CDH8: variants seen among roughly 807,000 people sequenced by gnomAD.
CDH8 encodes cadherin-8.
In CDH8, 17 loss-of-function variants were observed where a neutral mutation model predicts 68.1. The observed-to-expected ratio is 0.25, with a 90% CI of 0.17 to 0.37. The LOEUF (loss-of-function observed/expected upper bound fraction) is 0.37. Ranked by LOEUF, CDH8 falls within the 10% of genes least tolerant of loss-of-function variation. CDH8 has a pLI of 1.00. For missense variants in CDH8, 763 were observed against 999.3 expected, an observed-to-expected ratio of 0.76 and a Z score of 3.19; for synonymous variants, 372 against 365.1, an observed-to-expected ratio of 1.02 and a Z score of -0.21.
At chr16:61,977,744 G>A (rs1965462782) in intron 2 of CDH8, among the ~76,000 whole-genome samples, 1 of 152,234 alleles carries the variant, frequency 6.6e-6, no homozygotes, top group East Asian at 1.9e-4. Flanking sequence ...TAAGACATCT[G>A]AACTCTTAGC....
chr16:61,753,988 T>C (rs1180134185), intron 8 of CDH8, among the ~76,000 whole-genome samples: 4 of 152,136 alleles, frequency 2.6e-5, no homozygotes, highest in African/African-American at 9.7e-5. Context: ...ATGAAGAAAC[T>C]ACATATGCTA....
At position 61,966,492 on chromosome 16, in the gene CDH8, C is replaced by T. The variant is rs556493281; in HGVS notation, c.252+54660G>A. Among the ~76,000 whole-genome samples the T allele has an allele frequency of 3.3e-5, 5 of 151,844 alleles. No homozygotes were observed. In the South Asian group the frequency reaches 6.2e-4, roughly 19 times the overall value. The stretch of plus-strand genomic sequence containing the variant: ...GGCGGAGGTTGCAGTGAGCTGAGAT[C>T]GTGCCACTGCCCTCCAGCCTGCGGA... On this transcript the variant is annotated intron_variant, in intron 2 of 11. Transcript: ENST00000577390.
At chr16:61,672,565 C>T (rs558938370) in intron 10 of CDH8, among the ~76,000 whole-genome samples, 32 of 151,834 alleles carry the variant, frequency 2.1e-4, no homozygotes, top group Non-Finnish European at 3.7e-4. Context: ...GTAAAATATT[C>T]AATAAAACTT....
At chr16:61,864,292 CGGTTGGTTGGTTGGTTGGTTGGTTGGTT>C (rs59862418) in intron 3 of CDH8, among the ~76,000 whole-genome samples, 12 of 146,094 alleles carry the variant, frequency 8.2e-5, no homozygotes, top group African/African-American at 2.8e-4. Context: ...GCTGGATGTC[CGGTTGGTTGGTTGGTTGGTTGGTTGGTT>C]GGTTGGTTGG....
chr16:61,780,181 C>T (rs948777638), intron 8 of CDH8, among the ~76,000 whole-genome samples: 4 of 152,122 alleles, frequency 2.6e-5, no homozygotes, highest in Admixed American at 6.5e-5. Context: ...GCTAAATTTA[C>T]CTTAAATCTT....
At chr16:61,957,311 A>G (rs188133366) in intron 2 of CDH8, among the ~76,000 whole-genome samples, 82 of 152,224 alleles carry the variant, frequency 5.4e-4, no homozygotes, top group East Asian at 9.7e-4. Context: ...AAGCAAGACC[A>G]CCTACAGTCT....
At chr16:61,806,769 G>A (rs1961793034) in intron 7 of CDH8, among the ~76,000 whole-genome samples, 1 of 42,712 alleles carries the variant, frequency 2.3e-5, no homozygotes, top group East Asian at 6.3e-4. Flanking sequence ...AAACCACAAT[G>A]AGATACCATC....
intron 7 of CDH8, among the ~76,000 whole-genome samples, chr16:61,815,954 TG>T (rs1962063043): frequency 6.6e-6 from 1 of 152,116 alleles, no homozygotes; most frequent in Non-Finnish European, 1.5e-5. Flanking sequence ...TTAATGCCAA[TG>T]TAAATTTTTT....
intron 2 of CDH8, among the ~76,000 whole-genome samples, chr16:62,005,883 AC>A (rs1965966731): frequency 6.6e-6 from 1 of 152,148 alleles, no homozygotes; most frequent in African/African-American, 2.4e-5. Flanking sequence ...TGGGTGGTGC[AC>A]GTAAAAGGAT....
At chr16:61,851,154 G>A (rs1323633879) in intron 4 of CDH8, among the ~76,000 whole-genome samples, 2 of 151,860 alleles carry the variant, frequency 1.3e-5, no homozygotes, top group Admixed American at 6.6e-5. Flanking sequence ...TTTTGACTCC[G>A]AAGGCATAAA....
chr16:61,913,852 T>G (rs2143338926), intron 2 of CDH8, among the ~76,000 whole-genome samples: 1 of 152,304 alleles, frequency 6.6e-6, no homozygotes, highest in African/African-American at 2.4e-5. Flanking sequence ...GTTCCATTTC[T>G]AATCAAAAAC....
intron 2 of CDH8, among the ~76,000 whole-genome samples, chr16:61,959,865 G>A (rs149194553): frequency 0.068 from 9,868 of 145,612 alleles, 368 homozygotes; most frequent in East Asian, 0.12. Flanking sequence ...GTATATATGT[G>A]TGCATATATA....
At chr16:61,897,288 T>C (rs774116786) in intron 3 of CDH8, among the ~76,000 whole-genome samples, 34 of 152,014 alleles carry the variant, frequency 2.2e-4, no homozygotes, top group African/African-American at 3.6e-4. Flanking sequence ...AGTCTCGCAC[T>C]GTCTCCCAGG....
chr16:61,966,269 G>T (rs113292515), intron 2 of CDH8, among the ~76,000 whole-genome samples: 3 of 152,228 alleles, frequency 2.0e-5, no homozygotes, highest in African/African-American at 7.2e-5. Flanking sequence ...GCCGGGCGCC[G>T]TGGCTCACGT....
intron 8 of CDH8, among the ~76,000 whole-genome samples, chr16:61,745,595 C>CTT (rs74264140): frequency 7.1e-6 from 1 of 140,044 alleles, no homozygotes; most frequent in African/African-American, 2.6e-5. Flanking sequence ...TCTTTTCTTT[C>CTT]TTTTTTTTTT....
intron 7 of CDH8, among the ~76,000 whole-genome samples, chr16:61,795,085 G>A (rs1416233788): frequency 1.3e-5 from 2 of 151,668 alleles, no homozygotes; most frequent in South Asian, 4.2e-4. Context: ...TCATTTCACT[G>A]TGTGATAAAA....
chr16:61,996,870 A>T (rs768984099), intron 2 of CDH8, among the ~76,000 whole-genome samples: 3 of 152,142 alleles, frequency 2.0e-5, no homozygotes, highest in Non-Finnish European at 2.9e-5. Flanking sequence ...CAGGCATGAA[A>T]CACCATGCCT....
chr16:61,770,190 G>C (rs953129551), intron 8 of CDH8, among the ~76,000 whole-genome samples: 1 of 151,942 alleles, frequency 6.6e-6, no homozygotes, highest in Non-Finnish European at 1.5e-5. Context: ...AACAAGAAAT[G>C]TAAGTACACA....
intron 3 of CDH8, among the ~76,000 whole-genome samples, chr16:61,897,717 C>T (rs759576529): frequency 2.8e-4 from 43 of 152,120 alleles, no homozygotes; most frequent in Admixed American, 2.8e-3. Flanking sequence ...TTGTGGGCAG[C>T]AATCATTCAT....
Sources: allele counts gnomAD v4.1 joint callset (sites outside exome capture counted in the v4.1 genomes callset), GRCh38; gene constraint gnomAD v4.1.1; transcripts MANE v1.5; gene names NCBI Gene and HGNC (gene_info 2026-07-23, HGNC 2026-07-21).